CCDC102B: variants seen among roughly 807,000 people sequenced by gnomAD.
The protein encoded by CCDC102B is coiled-coil domain containing 102B.
Under a neutral mutation model 57.4 loss-of-function variants are expected in CCDC102B, and 75 were observed. The observed-to-expected ratio is 1.31, with a 90% confidence interval of 1.08 to 1.58. The LOEUF is 1.58. CCDC102B is among the 40% of genes most tolerant of loss of function. The pLI is 0.00. For missense variants in CCDC102B, 636 were observed against 582.6 expected (o/e 1.09, Z -0.94); for synonymous variants, 206 against 201.9 (o/e 1.02, Z -0.17).
intron 7 of CCDC102B, among the ~76,000 whole-genome samples, chr18:69,012,895 A>C (rs1055258034): frequency 6.6e-6 from 1 of 152,126 alleles, no homozygotes. Context: ...AATTTTAAAA[A>C]CCCAAATATT....
rs775546142 is a variant in CCDC102B, at chr18:69,054,391, A to G, written c.*254A>G. ...AGATGTGTAAATATTTTGAAAGTCA[A>G]AAAGGGCTTTCAGAATACTTTTTAC... On this transcript the variant is annotated 3_prime_UTR_variant, in exon 8 of 8. Coordinates refer to ENST00000360242, the MANE Select transcript of CCDC102B (RefSeq NM_024781.3). 4.9e-4 allele frequency: 547 copies of G among 1,125,924 alleles called. 1 individual carries two copies. Among genetic ancestry groups the G allele is most frequent in the Non-Finnish European group, 5.3e-4 (490 of 921,176 alleles). The allele number at this position is 1,125,924 out of a possible 1,614,324, so 69.7% of individuals were successfully genotyped here. A position where few individuals can be genotyped will look rare whatever the true frequency, so the allele number is the denominator to read the frequency against.
intron 5 of CCDC102B, among the ~76,000 whole-genome samples, chr18:68,890,945 C>G (rs947056273): frequency 7.2e-5 from 11 of 152,028 alleles, no homozygotes; most frequent in South Asian, 6.2e-4. Flanking sequence ...GTTTATTAAT[C>G]ATAGGAGTGG....
intron 5 of CCDC102B, among the ~76,000 whole-genome samples, chr18:68,882,120 A>G (rs1457634539): frequency 6.6e-6 from 1 of 152,248 alleles, no homozygotes; most frequent in Non-Finnish European, 1.5e-5. Context: ...AGAGCCAATG[A>G]TAATTTGCAT....
At position 68,765,335 on chromosome 18, in the gene CCDC102B, AAG is replaced by A. The variant is rs1251164745; in HGVS notation, c.-67+48743_-67+48744del. 8.3e-3 allele frequency among the ~76,000 whole-genome samples: 901 copies of A among 108,868 alleles called. 18 individuals carry two copies. Among genetic ancestry groups the A allele is most frequent in the African/African-American group, 0.025 (773 of 31,114 alleles). The allele number at this position is 108,868 out of a possible 152,430, so 71.4% of individuals were successfully genotyped here. On this transcript the variant is annotated intron_variant, in intron 2 of 3. Transcript: ENST00000578970. ...AAGGAAGGAAGGAAGGAAAGAAAGA[AAG>A]AAAGAAAGAAAGAAAGAAAGAAAGA... is the stretch of plus-strand genomic sequence containing the variant.
intron 5 of CCDC102B, among the ~76,000 whole-genome samples, chr18:68,881,273 A>G (rs894568255): frequency 6.6e-6 from 1 of 152,226 alleles, no homozygotes; most frequent in Non-Finnish European, 1.5e-5. Context: ...ATAAAGATCT[A>G]TTAAAATACT....
intron 1 of CCDC102B, among the ~76,000 whole-genome samples, chr18:68,827,823 A>C (rs1304162952): frequency 6.6e-6 from 1 of 151,984 alleles, no homozygotes; most frequent in Non-Finnish European, 1.5e-5. Context: ...ATTGCCATCT[A>C]TCACAAATAA....
chr18:68,997,271 G>A (rs2051055012), intron 6 of CCDC102B, among the ~76,000 whole-genome samples: 1 of 152,112 alleles, frequency 6.6e-6, no homozygotes, highest in Non-Finnish European at 1.5e-5. Flanking sequence ...TTTTATAGTA[G>A]ATACATTTTT....
intron 6 of CCDC102B, chr18:68,908,679 A>G (rs1011179107): frequency 6.6e-6 from 1 of 152,336 alleles, no homozygotes; most frequent in African/African-American, 2.4e-5. Flanking sequence ...TGTTAGAGTA[A>G]TCACAACTTA....
chr18:68,763,004 A>T (rs918251132), intron 2 of CCDC102B, among the ~76,000 whole-genome samples: 18 of 152,046 alleles, frequency 1.2e-4, no homozygotes, highest in Non-Finnish European at 1.0e-4. Context: ...GGGGGGAAAA[A>T]AGCTTCTATC....
intron 6 of CCDC102B, among the ~76,000 whole-genome samples, chr18:68,910,922 G>GA (rs1273856195): frequency 0.028 from 908 of 32,142 alleles, 11 homozygotes; most frequent in African/African-American, 0.078. Context: ...CTAAAAAGGG[G>GA]GAAAAAAAAA....
At chr18:68,978,873 A>C (rs1014746136) in intron 6 of CCDC102B, among the ~76,000 whole-genome samples, 1 of 152,122 alleles carries the variant, frequency 6.6e-6, no homozygotes, top group Non-Finnish European at 1.5e-5. Flanking sequence ...TTTGTAATAT[A>C]TGTCTAGGAT....
intron 6 of CCDC102B, among the ~76,000 whole-genome samples, chr18:68,938,904 T>A: frequency 6.6e-6 from 1 of 151,782 alleles, no homozygotes; most frequent in African/African-American, 2.4e-5. Context: ...TCCAATAAAA[T>A]ATCAATTAAA....
intron 1 of CCDC102B, among the ~76,000 whole-genome samples, chr18:68,823,899 G>A (rs1411301531): frequency 2.8e-4 from 42 of 151,480 alleles, no homozygotes; most frequent in Non-Finnish European, 1.5e-5. Flanking sequence ...TTTTTAATGG[G>A]GTCATTTGTT....
At chr18:68,795,880 G>GA (rs2035613245), upstream of CCDC102B, among the ~76,000 whole-genome samples, 1 of 152,166 alleles carries the variant, frequency 6.6e-6, no homozygotes, top group Non-Finnish European at 1.5e-5. Flanking sequence ...TGTGAAATAA[G>GA]AATAGGACCA....
intron 2 of CCDC102B, among the ~76,000 whole-genome samples, chr18:68,752,437 A>T (rs552792918): frequency 1.5e-4 from 23 of 150,826 alleles, no homozygotes; most frequent in Admixed American, 2.7e-4. Flanking sequence ...AGGGGAAAAA[A>T]ATAAAAATAA....
chr18:68,937,428 C>T (rs1460132390), intron 6 of CCDC102B, among the ~76,000 whole-genome samples: 1 of 152,010 alleles, frequency 6.6e-6, no homozygotes, highest in Non-Finnish European at 1.5e-5. Context: ...TTGTTTGTCA[C>T]TTTGCATATG....
At chr18:68,853,480 A>G (rs1322487769) in intron 4 of CCDC102B, among the ~76,000 whole-genome samples, 1 of 152,048 alleles carries the variant, frequency 6.6e-6, no homozygotes, top group African/African-American at 2.4e-5. Flanking sequence ...ATTAGAGTAT[A>G]TAAAGCCAAA....
rs182177493 is a variant in CCDC102B, at chr18:68,841,826, G to C, written c.827+2900G>C. Among the ~76,000 whole-genome samples the C allele has an allele frequency of 1.3e-3, 197 of 152,178 alleles. 1 individual carries two copies. Among genetic ancestry groups the C allele is most frequent in the African/African-American group, 4.3e-3 (180 of 41,498 alleles). On this transcript the variant is annotated intron_variant, in intron 3 of 7. Coordinates refer to ENST00000360242, the MANE Select transcript of CCDC102B (RefSeq NM_024781.3). ...AAGCTCACTGCAATCTCAGCCTCCT[G>C]GGCTCAAGCCATCCTCCCACCTCAG...
At chr18:68,723,081 T>C (rs1020895887) in intron 2 of CCDC102B, among the ~76,000 whole-genome samples, 1 of 151,966 alleles carries the variant, frequency 6.6e-6, no homozygotes, top group African/African-American at 2.4e-5. Flanking sequence ...ACAATCATGG[T>C]GGAAGGCACC....
Sources: gnomAD v4.1 joint callset for allele counts (sites outside exome capture counted in the v4.1 genomes callset) on GRCh38, gnomAD v4.1.1 for gene constraint, MANE v1.5 for transcripts, NCBI Gene and HGNC (gene_info 2026-07-23, HGNC 2026-07-21) for gene names.